Variants in NUP93 observed in about 807,000 individuals in gnomAD.
NUP93 encodes the protein nuclear pore complex protein Nup93.
NUP93 carries 55 observed loss-of-function variants against 107.8 expected under a neutral mutation model. The observed-to-expected ratio is 0.51, with a 90% confidence interval of 0.41 to 0.64. The LOEUF (loss-of-function observed/expected upper bound fraction) is 0.64, where lower values mean the gene tolerates loss of function less well. Among genes scored for constraint, NUP93 ranks in the 30% least tolerant of loss-of-function variants. The probability of loss-of-function intolerance (pLI) is 0.00; values close to 1 mark genes in which losing one functional copy is unlikely to be tolerated. For synonymous variants in NUP93, 390 were observed against 397.5 expected, an observed-to-expected ratio of 0.98 and a Z score of 0.22; for missense variants, 937 against 1,044.7, an observed-to-expected ratio of 0.90 and a Z score of 1.42.
At chr16:56,781,742 C>T (rs140774941) in intron 3 of NUP93, 2 of 773,966 alleles carry the variant, frequency 2.6e-6, no homozygotes, top group African/African-American at 1.9e-5. Flanking sequence ...CATAGCATTC[C>T]TTGCCTACAT....
chr16:56,809,055 C>G (rs1423313368), intron 5 of NUP93, among the ~76,000 whole-genome samples: 5 of 152,076 alleles, frequency 3.3e-5, no homozygotes, highest in Non-Finnish European at 7.4e-5. Context: ...ACTGAATGCT[C>G]TGTTCTGCAT....
chr16:56,772,603 C>T (rs1258238120), intron 3 of NUP93, among the ~76,000 whole-genome samples: 5 of 152,214 alleles, frequency 3.3e-5, no homozygotes, highest in Admixed American at 2.6e-4. Context: ...GAAGCCTAGC[C>T]TTGCTGTCTA....
intron 2 of NUP93, among the ~76,000 whole-genome samples, chr16:56,756,533 C>T (rs187654991): frequency 6.6e-6 from 1 of 152,184 alleles, no homozygotes; most frequent in East Asian, 1.9e-4. Context: ...TTTCTTTAAC[C>T]AGTCTATCAT....
chr16:56,769,042 A>T (rs1962272503), intron 3 of NUP93, among the ~76,000 whole-genome samples: 1 of 152,154 alleles, frequency 6.6e-6, no homozygotes, highest in South Asian at 2.1e-4. Flanking sequence ...CATGTCACAG[A>T]TGAGGAAGCT....
In NUP93 at chr16:56,844,494, C is replaced by G. The variant is rs1407282209; in HGVS notation, c.2350-5C>G. 1.4e-6 allele frequency: 2 copies of G among 1,442,798 alleles called. No individual in the cohort carries two copies. Among genetic ancestry groups the G allele is most frequent in the African/African-American group, 1.5e-5 (1 of 68,578 alleles). The allele number at this position is 1,442,798 out of a possible 1,614,324, so 89.4% of individuals were successfully genotyped here. A position where few individuals can be genotyped will look rare whatever the true frequency, so the allele number is the denominator to read the frequency against. On this transcript the variant is annotated splice_region_variant and splice_polypyrimidine_tract_variant and intron_variant, in intron 21 of 21. Transcript: ENST00000308159. Reference sequence around the variant, plus strand: ...TTTCCTTCCCTTCCTTCCCTTCTCTCTCAGCAACTCCGAAGTCAAGCCCGC... The same window carrying G: ...TTTCCTTCCCTTCCTTCCCTTCTCTGTCAGCAACTCCGAAGTCAAGCCCGC...
In NUP93 at chr16:56,805,605, C is replaced by T. The variant is rs763143287; in HGVS notation, c.462C>T (p.Asp154=). The change falls in exon 5 of 22, where the codon GAC becomes GAT. Residue 154 remains aspartate (D), a synonymous_variant. Transcript: ENST00000308159. ...ACACACTGCTGGCATCAGGAGAAGA[C>T]GCCCTTGACTTTACTCAAGAAAGCG... ...ILHTLLASGE[D]ALDFTQESEP... 27 of 1,613,998 alleles carry T rather than the reference C, an allele frequency of 1.7e-5. No individual in the cohort carries two copies. Among genetic ancestry groups the T allele is most frequent in the South Asian group, 2.2e-5 (2 of 91,062 alleles).
At chr16:56,825,110 G>T (rs1464154560) in intron 8 of NUP93, among the ~76,000 whole-genome samples, 1 of 150,842 alleles carries the variant, frequency 6.6e-6, no homozygotes, top group East Asian at 1.9e-4. Flanking sequence ...ATGCTGGAGT[G>T]CAGTGGCATA....
intron 17 of NUP93, among the ~76,000 whole-genome samples, chr16:56,837,039 C>T (rs1272933224): frequency 6.6e-6 from 1 of 152,202 alleles, no homozygotes; most frequent in Non-Finnish European, 1.5e-5. Context: ...TATGCTGACC[C>T]TGGCAACCAC....
chr16:56,766,637 A>G (rs542594983), intron 3 of NUP93, among the ~76,000 whole-genome samples: 1 of 152,282 alleles, frequency 6.6e-6, no homozygotes, highest in East Asian at 1.9e-4. Context: ...TGCCACTTTG[A>G]TCTGCTTGCC....
chr16:56,792,329 G>C (rs1270662445), intron 3 of NUP93, among the ~76,000 whole-genome samples: 2 of 151,940 alleles, frequency 1.3e-5, no homozygotes, highest in Middle Eastern at 3.4e-3. Context: ...TGTAATGTAT[G>C]GGGGGGAGGA....
chr16:56,787,401 G>T (rs1156995197), intron 3 of NUP93, among the ~76,000 whole-genome samples: 1 of 152,146 alleles, frequency 6.6e-6, no homozygotes, highest in African/African-American at 2.4e-5. Context: ...CCCAAACATT[G>T]TCCTGACTAA....
chr16:56,816,021 A>G (rs754030660), intron 5 of NUP93, among the ~76,000 whole-genome samples: 1 of 152,194 alleles, frequency 6.6e-6, no homozygotes, highest in African/African-American at 2.4e-5. Flanking sequence ...CCTGGCAGGC[A>G]GGATAGAGCA....
At chr16:56,777,343 C>CA (rs1184370106) in intron 3 of NUP93, among the ~76,000 whole-genome samples, 3 of 152,168 alleles carry the variant, frequency 2.0e-5, no homozygotes, top group Non-Finnish European at 4.4e-5. Context: ...ATAGTCATAT[C>CA]AAAGTCAGAA....
chr16:56,826,514 TAAA>T (rs35715417), intron 8 of NUP93, among the ~76,000 whole-genome samples: 6 of 128,182 alleles, frequency 4.7e-5, no homozygotes, highest in Admixed American at 7.8e-5. Context: ...AGACTCCGTC[TAAA>T]AAAAAAAAAA....
At chr16:56,802,672 A>G (rs1315323473) in intron 4 of NUP93, among the ~76,000 whole-genome samples, 1 of 152,198 alleles carries the variant, frequency 6.6e-6, no homozygotes, top group Non-Finnish European at 1.5e-5. Flanking sequence ...TAGGAAGAGT[A>G]TATGTATGTG....
intron 1 of NUP93, among the ~76,000 whole-genome samples, chr16:56,733,794 C>T (rs1389153972): frequency 1.3e-5 from 2 of 152,206 alleles, no homozygotes; most frequent in South Asian, 2.1e-4. Context: ...ACCTCCATCT[C>T]TTCTCCCCTG....
At chr16:56,780,867 A>G (rs1596794070) in intron 3 of NUP93, among the ~76,000 whole-genome samples, 1 of 152,194 alleles carries the variant, frequency 6.6e-6, no homozygotes, top group Admixed American at 6.5e-5. Context: ...AGTCTGCACC[A>G]TGATGATGGC....
rs766959511 is a variant in NUP93, at chr16:56,836,128, C to CAA, written c.1783-459_1783-458dup. Among the ~76,000 whole-genome samples, 41 of 94,740 alleles carry CAA rather than the reference C, an allele frequency of 4.3e-4. 1 individual carries two copies. The highest frequency in any genetic ancestry group is 8.1e-4 in the African/African-American group (20 of 24,752). 62.2% of individuals were successfully genotyped at this position (94,740 alleles called of 152,430 possible). A position where few individuals can be genotyped will look rare whatever the true frequency, so the allele number is the denominator to read the frequency against. On this transcript the variant is annotated intron_variant, in intron 16 of 21. Transcript: ENST00000308159. ...TGGGAGACAGAGCAAGACTCTGTCT[C>CAA]AAAAAAAAAAAAAAAGAAATGTCCT...
At chr16:56,734,665 G>T (rs1961584219) in intron 1 of NUP93, among the ~76,000 whole-genome samples, 1 of 152,140 alleles carries the variant, frequency 6.6e-6, no homozygotes, top group East Asian at 1.9e-4. Context: ...GGATGATAGT[G>T]GTAGAAGAGA....
Sources: allele counts gnomAD v4.1 joint callset (sites outside exome capture counted in the v4.1 genomes callset), GRCh38; gene constraint gnomAD v4.1.1; transcripts MANE v1.5; gene names NCBI Gene and HGNC (gene_info 2026-07-23, HGNC 2026-07-21).